The following RP9 variants were observed in gnomAD, a reference collection of about 807,000 sequenced individuals.
The protein encoded by RP9 is retinitis pigmentosa 9 protein.
RP9 carries 23 observed loss-of-function variants against 32.6 expected under a neutral mutation model. The ratio of observed to expected loss-of-function variants is 0.71; its 90% CI spans 0.51 to 1.00. The LOEUF is 1.00. Ranked by LOEUF, RP9 falls within the 50% of genes least tolerant of loss-of-function variation. The probability of loss-of-function intolerance (pLI) is 0.00; values close to 1 mark genes in which losing one functional copy is unlikely to be tolerated. For synonymous variants in RP9, 94 were observed against 103.6 expected, an observed-to-expected ratio of 0.91 and a Z score of 0.56; for missense variants, 245 against 285.3, an observed-to-expected ratio of 0.86 and a Z score of 1.02.
chr7:33,097,394 A>T, intron 3 of RP9, 32 bp from the exon 4 acceptor site: 1 of 1,493,476 alleles, frequency 6.7e-7, no homozygotes, highest in Admixed American at 1.7e-5. Context: ...TTTCTGTAAG[A>T]TAACAGTTTC....
intron 3 of RP9, among the ~76,000 whole-genome samples, chr7:33,098,734 T>G (rs1351124155): frequency 6.6e-6 from 1 of 152,222 alleles, no homozygotes; most frequent in Non-Finnish European, 1.5e-5. Flanking sequence ...GGAAACTGAT[T>G]TTTAAATTAG....
chr7:33,100,133 A>G, intron 2 of RP9: 1 of 291,586 alleles, frequency 3.4e-6, no homozygotes, highest in Non-Finnish European at 6.6e-6. Flanking sequence ...AGGGAGCGGG[A>G]CTGGATAGCT....
intron 1 of RP9, among the ~76,000 whole-genome samples, chr7:33,108,820 T>G (rs75022883): frequency 6.6e-6 from 1 of 152,218 alleles, no homozygotes; most frequent in East Asian, 1.9e-4. Flanking sequence ...ATCTGTCTTA[T>G]GACAATTTAA....
intron 1 of RP9, among the ~76,000 whole-genome samples, chr7:33,102,608 C>T (rs756288719): frequency 6.6e-5 from 10 of 152,216 alleles, no homozygotes; most frequent in African/African-American, 9.7e-5. Context: ...GTCTGAGACA[C>T]GCTGTCTTCT....
Position 33,109,153 on chromosome 7 carries a change from G to T in RP9, c.152+68C>A. ...GAGGACCCGGCCTAGCGCCCACCGC[G>T]GCGTCCCGCGCCCCGGGCCCCTGGC... is the stretch of plus-strand genomic sequence containing the variant. On this transcript the variant is annotated intron_variant, in intron 1 of 5. Coordinates refer to ENST00000297157, the MANE Select transcript of RP9 (RefSeq NM_203288.2). This position sits in a 1 kb window ranked among gnomAD's most constrained non-coding sequence, Gnocchi z 4.9. 6.9e-7 allele frequency: 1 copy of T among 1,457,794 alleles called. No homozygotes were observed. The highest frequency in any genetic ancestry group is 1.3e-5 in the South Asian group (1 of 78,228). 90.3% of individuals were successfully genotyped at this position (1,457,794 alleles called of 1,614,324 possible). A position where few individuals can be genotyped will look rare whatever the true frequency, so the allele number is the denominator to read the frequency against.
chr7:33,105,385 CAG>C (rs1328849362), intron 1 of RP9, among the ~76,000 whole-genome samples: 4 of 152,190 alleles, frequency 2.6e-5, no homozygotes, highest in South Asian at 2.1e-4. Flanking sequence ...CCAAAGCAGT[CAG>C]AGAGGCCAGA....
At position 33,108,773 on chromosome 7, in the gene RP9, G is replaced by A. The variant is rs548723703; in HGVS notation, c.152+448C>T. 4.6e-5 allele frequency among the ~76,000 whole-genome samples: 7 copies of A among 152,280 alleles called. No homozygotes were observed. In the East Asian group the frequency reaches 1.4e-3, roughly 29 times the overall value. On this transcript the variant is annotated intron_variant, in intron 1 of 5. Coordinates refer to ENST00000297157, the MANE Select transcript of RP9 (RefSeq NM_203288.2). ...TGTCTCCCACTTTTGTGGCCCTCTA[G>A]TGCACGGGTACATAATTAAAAGTTT...
intron 1 of RP9, among the ~76,000 whole-genome samples, chr7:33,107,997 G>A (rs1788522882): frequency 6.6e-6 from 1 of 152,206 alleles, no homozygotes; most frequent in African/African-American, 2.4e-5. Context: ...CTGACCACCT[G>A]TGACGGCCTG....
rs1159062888 is a variant in RP9, at chr7:33,097,345, A to C, written c.331T>G (p.Tyr111Asp). 1.2e-6 allele frequency: 2 copies of C among 1,613,676 alleles called. No individual in the cohort carries two copies. Among genetic ancestry groups the C allele is most frequent in the Non-Finnish European group, 1.7e-6 (2 of 1,179,590 alleles). Residue 111 changes from tyrosine (Y) to aspartate (D), a missense_variant, in exon 4 of 6, where the codon TAT becomes GAT. This residue lies in a region of RP9 where 182 missense variants were observed against 175.5 expected (regional missense o/e 1.04). Transcript: ENST00000297157. Reference protein sequence around the residue: ...KVMQCWRCKRYGHRTGDKECP... With the variant: ...KVMQCWRCKRDGHRTGDKECP... Reference sequence around the variant, plus strand: ...TCTTTGTCACCCGTTCGGTGACCATAGCGTTTGCAACGCCAACCTAAAAAC... The same window carrying C: ...TCTTTGTCACCCGTTCGGTGACCATCGCGTTTGCAACGCCAACCTAAAAAC...
intron 1 of RP9, among the ~76,000 whole-genome samples, chr7:33,107,552 G>T (rs1379024564): frequency 6.6e-6 from 1 of 152,130 alleles, no homozygotes. Flanking sequence ...AAAGGGCCAG[G>T]ACTGCCCTGT....
At chr7:33,106,700 C>G (rs1788503767) in intron 1 of RP9, among the ~76,000 whole-genome samples, 1 of 152,126 alleles carries the variant, frequency 6.6e-6, no homozygotes. Flanking sequence ...AATCCCAGCA[C>G]TTTGGGAGGC....
Position 33,109,347 on chromosome 7 carries a change from T to A in RP9, c.26A>T (p.Asp9Val). The change falls in exon 1 of 6, where the codon GAC becomes GTC. Residue 9 changes from aspartate (D) to valine (V), a missense_variant. By Grantham distance (152) the Asp-to-Val change is radical. Transcript: ENST00000297157. This position sits in a 1 kb window ranked among gnomAD's most constrained non-coding sequence, Gnocchi z 4.9. MSSRPGREDVGAAGARRPR... is the reference protein window; with the variant it reads MSSRPGREVVGAAGARRPR... ...CCGCCGCGCGCCCGCAGCCCCCACG[T>A]CCTCGCGCCCAGGCCGGGACGACAT... 3 of 1,441,938 alleles carry A rather than the reference T, an allele frequency of 2.1e-6. No homozygotes were observed. The highest frequency in any genetic ancestry group is 2.7e-6 in the Non-Finnish European group (3 of 1,100,906). The allele number at this position is 1,441,938 out of a possible 1,614,324, so 89.3% of individuals were successfully genotyped here.
intron 1 of RP9, among the ~76,000 whole-genome samples, chr7:33,107,557 C>T (rs1339296174): frequency 1.3e-5 from 2 of 152,160 alleles, no homozygotes; most frequent in Non-Finnish European, 2.9e-5. Flanking sequence ...GCCAGGACTG[C>T]CCTGTAACAT....
At chr7:33,098,693 G>A (rs1212043616) in intron 3 of RP9, among the ~76,000 whole-genome samples, 3 of 152,090 alleles carry the variant, frequency 2.0e-5, no homozygotes, top group African/African-American at 7.2e-5. Context: ...AAATAATCAA[G>A]GCAATGAAGC....
rs1788544845 is a variant in RP9 at position 33,109,167 on chromosome 7, C to G, written c.152+54G>C. On this transcript the variant is annotated intron_variant, in intron 1 of 5. Coordinates refer to ENST00000297157, the MANE Select transcript of RP9 (RefSeq NM_203288.2). The surrounding 1 kb of genome is among the most constrained non-coding windows in gnomAD (Gnocchi z 4.9). ...GCGCCCACCGCGGCGTCCCGCGCCC[C>G]GGGCCCCTGGCTTCAGAAGACTGGC... is the stretch of plus-strand genomic sequence containing the variant. The G allele has an allele frequency of 1.4e-6, 2 of 1,470,676 alleles. No homozygotes were observed. The highest frequency in any genetic ancestry group is 1.8e-6 in the Non-Finnish European group (2 of 1,112,162). The allele number at this position is 1,470,676 out of a possible 1,614,324, so 91.1% of individuals were successfully genotyped here. A position where few individuals can be genotyped will look rare whatever the true frequency, so the allele number is the denominator to read the frequency against.
chr7:33,099,353 A>T lies in RP9; in HGVS notation c.267T>A (p.Thr89=), dbSNP rs1788391476. 3 of 1,613,804 alleles carry T rather than the reference A, an allele frequency of 1.9e-6. No homozygotes were observed. The highest frequency in any genetic ancestry group is 2.5e-6 in the Non-Finnish European group (3 of 1,179,972). Residue 89 remains threonine (T), a synonymous_variant, in exon 3 of 6, where the codon ACT becomes ACA. Transcript: ENST00000297157. ...HAREFLAHAP[T]KGLWMPLGKE... Reference sequence around the variant, plus strand: ...TCCCCAGTGGCATCCAAAGTCCTTTAGTTGGTGCATGAGCCAGAAATTCCC... The same window carrying T: ...TCCCCAGTGGCATCCAAAGTCCTTTTGTTGGTGCATGAGCCAGAAATTCCC...
At chr7:33,104,544 C>T (rs143542692) in intron 1 of RP9, among the ~76,000 whole-genome samples, 3 of 151,796 alleles carry the variant, frequency 2.0e-5, no homozygotes, top group East Asian at 1.9e-4. Context: ...AGTTTCTTAA[C>T]GTTTAAGGGT....
chr7:33,104,493 T>G (rs533142022), intron 1 of RP9, among the ~76,000 whole-genome samples: 72 of 151,942 alleles, frequency 4.7e-4, no homozygotes, highest in African/African-American at 1.7e-3. Context: ...TGGAAAAGAC[T>G]AACATTATCA....
chr7:33,100,828 G>GC (rs1199094034), intron 1 of RP9: 1 of 615,268 alleles, frequency 1.6e-6, no homozygotes, highest in Admixed American at 2.3e-5. Flanking sequence ...TGCTGAGCAC[G>GC]CAAGTCTCCA....
Sources: allele counts gnomAD v4.1 joint callset (sites outside exome capture counted in the v4.1 genomes callset), GRCh38; gene constraint gnomAD v4.1.1; regional missense constraint gnomAD v4.1.1; non-coding constraint Gnocchi (gnomAD v3.1); transcripts MANE v1.5; gene names NCBI Gene and HGNC (gene_info 2026-07-23, HGNC 2026-07-21).